The following IDS variants were observed in gnomAD, a reference collection of about 807,000 sequenced individuals.
IDS encodes the protein alpha-L-iduronate sulfate sulfatase.
A neutral mutation model predicts 33.5 loss-of-function variants in IDS; 1 was observed. The observed-to-expected ratio is 0.03, with a 90% CI of 0.01 to 0.14. IDS has a LOEUF of 0.14. Ranked by LOEUF, IDS falls within the 10% of genes least tolerant of loss-of-function variation. IDS has a pLI of 1.00. For missense variants in IDS, 328 were observed against 448.0 expected (o/e 0.73, Z 2.42); for synonymous variants, 191 against 184.4 (o/e 1.04, Z -0.29).
chrX:149,501,371 C>T (rs1367410498), intron 3 of IDS, among the ~76,000 whole-genome samples: 1 of 111,658 alleles, frequency 9.0e-6, no homozygotes, highest in Non-Finnish European at 1.9e-5. Context: ...ATCAGGGAGC[C>T]GATGGGGGCA....
rs1405801789 is a variant in IDS at position 149,482,674 on chromosome X, G to A, written c.*72C>T. 5 of 1,199,870 alleles carry A rather than the reference G, an allele frequency of 4.2e-6. No individual in the cohort carries two copies. The highest frequency in any genetic ancestry group is 3.6e-5 in the South Asian group (2 of 55,718). On this transcript the variant is annotated 3_prime_UTR_variant, in exon 9 of 9. Transcript: ENST00000340855. ...CCAATATTATGGGTAATCACAAAACGACCAGCTCTAACTCCTCCTCTCACC... is the reference window on the plus strand; with the variant it reads ...CCAATATTATGGGTAATCACAAAACAACCAGCTCTAACTCCTCCTCTCACC...
At chrX:149,497,992 A>T in intron 5 of IDS, 115 bp downstream of exon 5, 1 of 621,294 alleles carries the variant, frequency 1.6e-6, no homozygotes, top group Non-Finnish European at 2.7e-6. Context: ...CCCATCAGGC[A>T]ACCATGGTGC....
At position 149,482,720 on chromosome X, in the gene IDS, C is replaced by T; in HGVS notation, c.*26G>A. On this transcript the variant is annotated 3_prime_UTR_variant, in exon 9 of 9. Coordinates refer to ENST00000340855, the MANE Select transcript of IDS (RefSeq NM_000202.8). ...TCACCAGCTGGAAGGGAGCACATCA[C>T]ATTTGCCATCCATGGTTGGCAAAAC... The T allele has an allele frequency of 1.7e-6, 2 of 1,211,387 alleles. No individual in the cohort carries two copies. Among genetic ancestry groups the T allele is most frequent in the Non-Finnish European group, 2.2e-6 (2 of 895,467 alleles).
intron 4 of IDS, among the ~76,000 whole-genome samples, chrX:149,499,932 G>C (rs2089466446): frequency 1.8e-5 from 2 of 111,000 alleles, no homozygotes; most frequent in South Asian, 7.7e-4. Flanking sequence ...ACCATGATTT[G>C]TATACCACAA....
rs1164666034 is a variant in IDS at position 149,481,604 on chromosome X, T to G, written c.*1142A>C. 1 of 111,763 alleles carries G rather than the reference T, an allele frequency of 8.9e-6. No homozygotes were observed. The allele number at this position is 111,763 out of a possible 1,213,427, so 9.2% of individuals were successfully genotyped here. A position where few individuals can be genotyped will look rare whatever the true frequency, so the allele number is the denominator to read the frequency against. ...TACTGATAACTGAGAAGATTCAACA[T>G]GTTATAAATATGAGTTGTAAATATT... On this transcript the variant is annotated 3_prime_UTR_variant, in exon 9 of 9. Transcript: ENST00000340855.
At chrX:149,491,538 C>T (rs782348816) in intron 6 of IDS, 2 of 965,312 alleles carry the variant, frequency 2.1e-6, no homozygotes, top group African/African-American at 4.0e-5. Flanking sequence ...TGAGACTCAC[C>T]CGTTCTCACT....
intron 4 of IDS, 104 bp from the exon 5 acceptor site, chrX:149,498,411 G>T: frequency 1.6e-6 from 1 of 636,198 alleles, no homozygotes; most frequent in East Asian, 3.5e-5. Flanking sequence ...CCCTTCACGT[G>T]TTAGTCACTC....
intron 6 of IDS, among the ~76,000 whole-genome samples, chrX:149,495,121 C>T (rs1374817535): frequency 8.9e-6 from 1 of 112,172 alleles, no homozygotes; most frequent in African/African-American, 3.2e-5. Context: ...TCCTGGCACA[C>T]AGTCCATTTT....
At position 149,503,194 on chromosome X, in the gene IDS, C is replaced by T. The variant is rs782367227; in HGVS notation, c.418+118G>A. ...TTTTTAGAAAGGAAGCACTGACTAG[C>T]GAGGGACTCGCCCAGCCAGAAGAGG... On this transcript the variant is annotated intron_variant, in intron 3 of 8. Coordinates refer to ENST00000340855, the MANE Select transcript of IDS (RefSeq NM_000202.8). 128 of 1,168,898 alleles carry T rather than the reference C, an allele frequency of 1.1e-4. No individual in the cohort carries two copies. In the Middle Eastern group the frequency reaches 1.2e-3, roughly 11 times the overall value.
At chrX:149,494,165 G>A (rs1333119437) in intron 6 of IDS, among the ~76,000 whole-genome samples, 1 of 111,587 alleles carries the variant, frequency 9.0e-6, no homozygotes, top group Non-Finnish European at 1.9e-5. Context: ...ACAGAGCAGA[G>A]GGTGTGGCTG....
chrX:149,495,495 G>A (rs1280421670), intron 6 of IDS: 2 of 104,908 alleles, frequency 1.9e-5, no homozygotes, highest in East Asian at 2.9e-4. Context: ...AAGAAATGTC[G>A]GTTGTCAGGT....
At chrX:149,501,122 C>T (rs1317623653) in intron 3 of IDS, 85 bp from the exon 4 acceptor site, 2 of 601,187 alleles carry the variant, frequency 3.3e-6, no homozygotes, top group Non-Finnish European at 5.6e-6. Flanking sequence ...AACAAATGGG[C>T]AAGTGGAACC....
chrX:149,494,112 G>A (rs2089416342), intron 6 of IDS, among the ~76,000 whole-genome samples: 1 of 111,677 alleles, frequency 9.0e-6, no homozygotes, highest in Non-Finnish European at 1.9e-5. Context: ...TCCCTGCTTC[G>A]TGGGGGCATG....
chrX:149,498,141 T>C lies in IDS; in HGVS notation c.674A>G (p.Tyr225Cys). ...TCTGAAGGGGATGTGTGGCTTATGA[T>C]ACCCAACGGCCAGGAAGAAAGGACT... is the stretch of plus-strand genomic sequence containing the variant. Reference protein sequence around the residue: ...SASPFFLAVGYHKPHIPFRYP... With the variant: ...SASPFFLAVGCHKPHIPFRYP... Residue 225 changes from tyrosine to cysteine, a missense_variant, in exon 5 of 9, where the codon TAT becomes TGT. Tyr to Cys is a radical substitution (Grantham distance 194). This residue lies in a region of IDS where 265 missense variants were observed against 339.2 expected (regional missense o/e 0.78). Coordinates refer to ENST00000340855, the MANE Select transcript of IDS (RefSeq NM_000202.8). 2.5e-6 allele frequency: 3 copies of C among 1,211,422 alleles called. No individual in the cohort carries two copies. The highest frequency in any genetic ancestry group is 2.2e-6 in the Non-Finnish European group (2 of 895,268).
Position 149,498,298 on chromosome X carries a change from C to G in IDS, c.517G>C (p.Gly173Arg). The change falls in exon 5 of 9, where the codon GGG (glycine) becomes CGG (arginine). Residue 173 changes from glycine (G) to arginine (R), a missense_variant. By Grantham distance (125) the Gly-to-Arg change is moderately radical (BLOSUM62 -2). This residue lies in a region of IDS where 265 missense variants were observed against 339.2 expected (regional missense o/e 0.78). Coordinates refer to ENST00000340855, the MANE Select transcript of IDS (RefSeq NM_000202.8). ...TTGGCATGGAGTTCTCCATCTGGCC[C>G]TCGACATGTCTTTCAAAACAAAATA... ...EKYENTKTCR[G>R]PDGELHANLL... 8.3e-7 allele frequency: 1 copy of G among 1,208,286 alleles called. No individual in the cohort carries two copies.
chrX:149,497,993 A>C, intron 5 of IDS, 114 bp downstream of exon 5: 2 of 621,038 alleles, frequency 3.2e-6, no homozygotes, highest in Non-Finnish European at 5.4e-6. Context: ...CCATCAGGCA[A>C]CCATGGTGCC....
In IDS at chrX:149,482,680, C is replaced by G; in HGVS notation, c.*66G>C. The G allele has an allele frequency of 8.3e-7, 1 of 1,202,812 alleles. No individual in the cohort carries two copies. The highest frequency in any genetic ancestry group is 3.0e-5 in the East Asian group (1 of 33,633). On this transcript the variant is annotated 3_prime_UTR_variant, in exon 9 of 9. Coordinates refer to ENST00000340855, the MANE Select transcript of IDS (RefSeq NM_000202.8). ...TTATGGGTAATCACAAAACGACCAG[C>G]TCTAACTCCTCCTCTCACCAGCTGG...
chrX:149,484,589 G>A (rs930402687), intron 8 of IDS, among the ~76,000 whole-genome samples: 2 of 112,784 alleles, frequency 1.8e-5, no homozygotes, highest in Non-Finnish European at 3.8e-5. Context: ...CAAAGTGCTG[G>A]GATTACTGGC....
intron 3 of IDS, among the ~76,000 whole-genome samples, chrX:149,501,742 G>A (rs61393091): frequency 0.02 from 2,262 of 111,166 alleles, 67 homozygotes; most frequent in African/African-American, 0.071. Context: ...GAGTGGAGGG[G>A]ATCACAGGCA....
Sources: allele counts gnomAD v4.1 joint callset (sites outside exome capture counted in the v4.1 genomes callset), GRCh38; gene constraint gnomAD v4.1.1; regional missense constraint gnomAD v4.1.1; transcripts MANE v1.5; gene names NCBI Gene and HGNC (gene_info 2026-07-23, HGNC 2026-07-21).